CATSPERB: variants seen among roughly 807,000 people sequenced by gnomAD.
The protein encoded by CATSPERB is cation channel sperm-associated auxiliary subunit beta.
A neutral mutation model predicts 128.3 loss-of-function variants in CATSPERB; 93 were observed. The observed-to-expected ratio is 0.72, with a 90% CI of 0.61 to 0.86. The LOEUF (loss-of-function observed/expected upper bound fraction) is 0.86, where lower values mean the gene tolerates loss of function less well. Ranked by LOEUF, CATSPERB falls within the 40% of genes least tolerant of loss-of-function variation. The pLI, the probability that CATSPERB is intolerant of heterozygous loss-of-function variation, is 0.00. For missense variants in CATSPERB, 1,153 were observed against 1,329.5 expected, an observed-to-expected ratio of 0.87 and a Z score of 2.06; for synonymous variants, 381 against 448.8, an observed-to-expected ratio of 0.85 and a Z score of 1.91.
At chr14:91,638,356 A>T (rs567737494) in intron 16 of CATSPERB, among the ~76,000 whole-genome samples, 1 of 151,970 alleles carries the variant, frequency 6.6e-6, no homozygotes, top group Non-Finnish European at 1.5e-5. Context: ...AACCAGGGAG[A>T]AGGGTTAATA....
rs565652170 is a variant in CATSPERB, at chr14:91,681,371, C to G, written c.931+2506G>C. 3.9e-5 allele frequency among the ~76,000 whole-genome samples: 6 copies of G among 152,212 alleles called. No homozygotes were observed. The South Asian group carries it at 1.0e-3, about 26-fold the overall frequency. ...ACTTGTAGATTGTCATCTGAAAGAC[C>G]ACAATGACAGGAAAAACTAAAGAGA... is the stretch of plus-strand genomic sequence containing the variant. On this transcript the variant is annotated intron_variant, in intron 11 of 26. Coordinates refer to ENST00000256343, the MANE Select transcript of CATSPERB (RefSeq NM_024764.4).
chr14:91,663,490 A>T (rs1315347787), intron 14 of CATSPERB, among the ~76,000 whole-genome samples: 2 of 151,906 alleles, frequency 1.3e-5, no homozygotes, highest in Non-Finnish European at 2.9e-5. Flanking sequence ...CTAAAAATAC[A>T]AAAAATTAGC....
chr14:91,601,003 T>C (rs1371899014), intron 22 of CATSPERB, among the ~76,000 whole-genome samples: 2 of 152,260 alleles, frequency 1.3e-5, no homozygotes, highest in African/African-American at 4.8e-5. Context: ...CTAAATGGTA[T>C]TTGGCTCTGG....
At chr14:91,619,309 C>A (rs1369113583) in intron 19 of CATSPERB, among the ~76,000 whole-genome samples, 1 of 151,926 alleles carries the variant, frequency 6.6e-6, no homozygotes, top group Non-Finnish European at 1.5e-5. Flanking sequence ...TAGAGGTAAC[C>A]TAAAAATTAA....
intron 5 of CATSPERB, among the ~76,000 whole-genome samples, chr14:91,715,429 G>A (rs1895921051): frequency 6.6e-6 from 1 of 151,612 alleles, no homozygotes; most frequent in African/African-American, 2.4e-5. Context: ...CCAGGCGCCT[G>A]TAATCCCAGC....
chr14:91,667,608 C>G (rs962700243), intron 14 of CATSPERB, among the ~76,000 whole-genome samples: 1 of 152,210 alleles, frequency 6.6e-6, no homozygotes, highest in Admixed American at 6.5e-5. Context: ...TATCTTTACT[C>G]TACAATCCTA....
Position 91,619,861 on chromosome 14 carries a change from T to TTGTGTGTGTGTGTGTGTG in CATSPERB, c.2260+1729_2260+1746dup, listed in dbSNP as rs55687285. On this transcript the variant is annotated intron_variant, in intron 19 of 26. Coordinates refer to ENST00000256343, the MANE Select transcript of CATSPERB (RefSeq NM_024764.4). ...AAAATATATTTTTAATGTAATAAAA[T>TTGTGTGTGTGTGTGTGTG]TGTGTGTGTGTGTGTGTGTGTGTGT... is the stretch of plus-strand genomic sequence containing the variant. Among the ~76,000 whole-genome samples, 32 of 139,122 alleles carry TTGTGTGTGTGTGTGTGTG rather than the reference T, an allele frequency of 2.3e-4. 1 individual carries two copies. Among genetic ancestry groups the TTGTGTGTGTGTGTGTGTG allele is most frequent in the Middle Eastern group, 7.8e-3 (2 of 258 alleles). The allele number at this position is 139,122 out of a possible 152,430, so 91.3% of individuals were successfully genotyped here. A position where few individuals can be genotyped will look rare whatever the true frequency, so the allele number is the denominator to read the frequency against.
At chr14:91,608,249 C>T (rs755425864) in intron 22 of CATSPERB, 45 bp downstream of exon 22, 2 of 1,186,032 alleles carry the variant, frequency 1.7e-6, no homozygotes, top group South Asian at 1.3e-5. Context: ...GAATGATTTC[C>T]TGAATTCAAA....
At chr14:91,617,536 T>C in intron 20 of CATSPERB, 61 bp downstream of exon 20, 6 of 1,271,884 alleles carry the variant, frequency 4.7e-6, no homozygotes, top group Non-Finnish European at 5.4e-6. Context: ...ATATTAATAA[T>C]AGTTGTTTCA....
chr14:91,647,548 C>G (rs1894627325), intron 15 of CATSPERB, among the ~76,000 whole-genome samples: 1 of 152,196 alleles, frequency 6.6e-6, no homozygotes, highest in Non-Finnish European at 1.5e-5. Context: ...AATTGACTCA[C>G]AGTTCCACAT....
intron 12 of CATSPERB, among the ~76,000 whole-genome samples, chr14:91,673,904 G>GT (rs1895145467): frequency 6.6e-6 from 1 of 151,752 alleles, no homozygotes; most frequent in East Asian, 1.9e-4. Flanking sequence ...AATCCTTAAT[G>GT]TCTGTGCCTC....
chr14:91,597,559 G>A (rs1893529381), intron 22 of CATSPERB, among the ~76,000 whole-genome samples: 1 of 152,068 alleles, frequency 6.6e-6, no homozygotes, highest in Non-Finnish European at 1.5e-5. Context: ...CCATATACTG[G>A]TTTTGCATCA....
intron 15 of CATSPERB, among the ~76,000 whole-genome samples, chr14:91,655,362 G>T (rs1003028493): frequency 1.3e-5 from 2 of 152,188 alleles, no homozygotes; most frequent in African/African-American, 4.8e-5. Flanking sequence ...ACCGATCTTG[G>T]AGAGACAGAG....
chr14:91,722,985 T>A, intron 4 of CATSPERB, 64 bp downstream of exon 4: 13 of 1,244,272 alleles, frequency 1.0e-5, no homozygotes, highest in Non-Finnish European at 1.4e-5. Context: ...AAAAAATACA[T>A]CCTATAAGGA....
At chr14:91,620,061 G>A (rs1257654393) in intron 19 of CATSPERB, among the ~76,000 whole-genome samples, 4 of 151,952 alleles carry the variant, frequency 2.6e-5, no homozygotes, top group Admixed American at 1.3e-4. Flanking sequence ...GCTTCCTTGT[G>A]TTGGGGCCCA....
intron 7 of CATSPERB, among the ~76,000 whole-genome samples, chr14:91,700,206 GT>G (rs1334859119): frequency 6.6e-6 from 1 of 152,060 alleles, no homozygotes; most frequent in Non-Finnish European, 1.5e-5. Context: ...TCCTGTGTTA[GT>G]TTGCTGAGAA....
chr14:91,714,532 A>G (rs1315863561), intron 5 of CATSPERB, among the ~76,000 whole-genome samples: 4 of 151,002 alleles, frequency 2.6e-5, no homozygotes, highest in Admixed American at 6.6e-5. Context: ...ACCACTTACA[A>G]TAACACTCCA....
At chr14:91,658,236 A>T (rs764592200) in intron 15 of CATSPERB, among the ~76,000 whole-genome samples, 2 of 152,184 alleles carry the variant, frequency 1.3e-5, no homozygotes, top group Non-Finnish European at 2.9e-5. Context: ...TTGCAACAAC[A>T]TGATTGGAAC....
At chr14:91,632,539 G>A in intron 17 of CATSPERB, among the ~76,000 whole-genome samples, 1 of 152,172 alleles carries the variant, frequency 6.6e-6, no homozygotes, top group Middle Eastern at 3.4e-3. Context: ...AAACTTATAT[G>A]TACCTAATAA....
Sources: gnomAD v4.1 joint callset for allele counts (sites outside exome capture counted in the v4.1 genomes callset) on GRCh38, gnomAD v4.1.1 for gene constraint, MANE v1.5 for transcripts, NCBI Gene and HGNC (gene_info 2026-07-23, HGNC 2026-07-21) for gene names.